The following PLEC variants were observed in gnomAD, a reference collection of about 807,000 sequenced individuals.
The protein encoded by PLEC is plectin.
A neutral mutation model predicts 392.8 loss-of-function variants in PLEC; 216 were observed. The ratio of observed to expected loss-of-function variants is 0.55; its 90% CI spans 0.49 to 0.62. The LOEUF is 0.62. Ranked by LOEUF, PLEC falls within the 20% of genes least tolerant of loss-of-function variation. PLEC has a pLI of 0.00. For missense variants in PLEC, 6,863 were observed against 6,563.4 expected (o/e 1.05, Z -1.58); for synonymous variants, 3,621 against 2,980.6 (o/e 1.21, Z -7.00).
chr8:143,941,342 C>T (rs1554728580), upstream of PLEC, among the ~76,000 whole-genome samples: 2 of 152,182 alleles, frequency 1.3e-5, no homozygotes, highest in East Asian at 1.9e-4. Context: ...CCACGTGGAG[C>T]CCACCCCAGC....
At chr8:143,953,937 C>T, upstream of PLEC, 5 of 1,400,404 alleles carry the variant, frequency 3.6e-6, no homozygotes, top group Non-Finnish European at 4.6e-6. Context: ...GACAGGGCCG[C>T]CCCGGGCGCA....
At chr8:143,935,592 G>A (rs1471834751) in intron 6 of PLEC, among the ~76,000 whole-genome samples, 3 of 152,100 alleles carry the variant, frequency 2.0e-5, no homozygotes, top group Non-Finnish European at 4.4e-5. Context: ...CTCCGGAGGC[G>A]TCCACAGAGG....
intron 1 of PLEC, among the ~76,000 whole-genome samples, chr8:143,959,787 G>A (rs548005464): frequency 6.6e-6 from 1 of 152,196 alleles, no homozygotes; most frequent in African/African-American, 2.4e-5. Context: ...ACGAGGTCAG[G>A]AGATTGAGAC....
chr8:143,935,371 C>A, intron 6 of PLEC, 58 bp from the exon 7 acceptor site: 1 of 1,195,836 alleles, frequency 8.4e-7, no homozygotes, highest in Non-Finnish European at 1.2e-6. Flanking sequence ...CCACACCACA[C>A]AGGCGGGTGC....
In PLEC at chr8:143,924,232, G is replaced by A. The variant is rs782061690; in HGVS notation, c.5697C>T (p.Arg1899=). 6.3e-7 allele frequency: 1 copy of A among 1,598,444 alleles called. No homozygotes were observed. The highest frequency in any genetic ancestry group is 1.7e-5 in the Admixed American group (1 of 59,954). The change falls in exon 31 of 32, where the codon CGC becomes CGT. Residue 1899 remains arginine (R), a synonymous_variant. Transcript: ENST00000345136. Reference sequence around the variant, plus strand: ...GCTCCAGCTCGCTGTCCGATGCCTTGCGCAGCTGGGCCAGGCGCTCCTCGA... The same window carrying A: ...GCTCCAGCTCGCTGTCCGATGCCTTACGCAGCTGGGCCAGGCGCTCCTCGA... ...ADIEERLAQL[R]KASDSELERQ... is the part of the protein sequence containing the mutation.
rs147838690 is a variant in PLEC, at chr8:143,924,452, C to T, written c.5477G>A (p.Arg1826Gln). 0.011 allele frequency: 17,749 copies of T among 1,553,096 alleles called. 174 individuals carry two copies. Among genetic ancestry groups the T allele is most frequent in the Non-Finnish European group, 0.012 (14,097 of 1,159,096 alleles). The change falls in exon 31 of 32, where the codon CGG becomes CAG. Residue 1826 changes from arginine (R) to glutamine (Q), a missense_variant. Transcript: ENST00000345136. ...CACCCGCTCCGCCTCGGCCCGCTGC[C>T]GCGCCGCGTCTTCCTCGGCCAGCTG... ...QRQLAEEDAARQRAEAERVLA... is the reference protein window; with the variant it reads ...QRQLAEEDAAQQRAEAERVLA...
In PLEC at chr8:143,973,256, G is replaced by A; in HGVS notation, c.70+147C>T. 1.0e-6 allele frequency: 1 copy of A among 989,786 alleles called. No homozygotes were observed. Among genetic ancestry groups the A allele is most frequent in the East Asian group, 3.4e-5 (1 of 29,410 alleles). The allele number at this position is 989,786 out of a possible 1,614,324, so 61.3% of individuals were successfully genotyped here. A position where few individuals can be genotyped will look rare whatever the true frequency, so the allele number is the denominator to read the frequency against. On this transcript the variant is annotated intron_variant, in intron 1 of 31. Transcript: ENST00000356346. This position sits in a 1 kb window ranked among gnomAD's most constrained non-coding sequence, Gnocchi z 5.6. ...GAGTCCTCCCCTTCCCTAGGCACTG[G>A]CAGCCGTTGGGGGCGATCCAGGCGG...
chr8:143,952,593 C>T (rs1160873412), upstream of PLEC, among the ~76,000 whole-genome samples: 1 of 152,044 alleles, frequency 6.6e-6, no homozygotes, highest in Admixed American at 6.6e-5. Flanking sequence ...CCCGGCAGGC[C>T]GACCGCATCT....
At chr8:143,950,644 G>A (rs782272196) in exon 1 of PLEC, 41 of 1,591,828 alleles carry the variant, frequency 2.6e-5, no homozygotes, top group East Asian at 9.1e-5. Flanking sequence ...TCACGCCCTC[G>A]CGGAAGAGCA....
rs367851580 is a variant in PLEC at position 143,930,272 on chromosome 8, G to C, written c.2484C>G (p.Cys828Trp). 1.2e-6 allele frequency: 2 copies of C among 1,602,934 alleles called. No homozygotes were observed. Among genetic ancestry groups the C allele is most frequent in the Admixed American group, 3.4e-5 (2 of 59,654 alleles). ...VEVTVHKGDECQLVGPAQPSH... is the reference protein window; with the variant it reads ...VEVTVHKGDEWQLVGPAQPSH... Reference sequence around the variant, plus strand: ...ACGGCTGTGCAGGGCCCACCAGCTGGCACTCGTCACCCTTGTGCACAGTCA... The same window carrying C: ...ACGGCTGTGCAGGGCCCACCAGCTGCCACTCGTCACCCTTGTGCACAGTCA... Residue 828 changes from cysteine (C) to tryptophan (W), a missense_variant, in exon 21 of 32, where the codon TGC becomes TGG. Physicochemically the swap from Cys to Trp is radical, Grantham distance 215. Transcript: ENST00000345136.
chr8:143,953,609 C>G, upstream of PLEC: 1 of 1,132,588 alleles, frequency 8.8e-7, no homozygotes, highest in Non-Finnish European at 1.3e-6. Flanking sequence ...GCTCAGCGAC[C>G]CACAGTGTCA....
chr8:143,930,335 C>A, intron 20 of PLEC, 37 bp from the exon 21 acceptor site: 2 of 1,588,246 alleles, frequency 1.3e-6, no homozygotes, highest in East Asian at 2.3e-5. Context: ...ATGGCCACAC[C>A]CTGCCCTGCC....
In PLEC at chr8:143,929,168, C is replaced by G. The variant is rs781817188; in HGVS notation, c.3195G>C (p.Ser1065=). 1 of 1,594,840 alleles carries G rather than the reference C, an allele frequency of 6.3e-7. No individual in the cohort carries two copies. Among genetic ancestry groups the G allele is most frequent in the Non-Finnish European group, 8.5e-7 (1 of 1,172,720 alleles). The change falls in exon 25 of 32, where the codon TCG becomes TCC. Residue 1065 remains serine (S), a synonymous_variant. Transcript: ENST00000345136. ...GCTTGCCCAGCGTCAGCTCCAGCTCCGAGCGCAGCGTGGGGGCCGCAGGCG... is the reference window on the plus strand; with the variant it reads ...GCTTGCCCAGCGTCAGCTCCAGCTCGGAGCGCAGCGTGGGGGCCGCAGGCG... ...EPSPAAPTLR[S]ELELTLGKLE... is the part of the protein sequence containing the mutation.
At chr8:143,952,220 A>ACG (rs1554737431), upstream of PLEC, among the ~76,000 whole-genome samples, 905 of 139,884 alleles carry the variant, frequency 6.5e-3, 8 homozygotes, top group African/African-American at 0.025. Context: ...GCGCGCACAC[A>ACG]CGCACGCGCA....
At chr8:143,943,751 G>T, upstream of PLEC, 1 of 1,604,582 alleles carries the variant, frequency 6.2e-7, no homozygotes, top group South Asian at 1.1e-5. Flanking sequence ...CCCGCCTCGA[G>T]TCCCTGGCAG....
upstream of PLEC, chr8:143,939,696 CCCGGCGGGAAGGAGCAAGCAG>C (rs1830067615): frequency 7.4e-7 from 1 of 1,354,590 alleles, no homozygotes; most frequent in African/African-American, 1.5e-5. Context: ...AGGGGAGTGT[CCCGGCGGGAAGGAGCAAGCAG>C]CCCCCTCCCC....
chr8:143,970,958 G>A (rs1210228557), intron 1 of PLEC, among the ~76,000 whole-genome samples: 1 of 152,236 alleles, frequency 6.6e-6, no homozygotes, highest in African/African-American at 2.4e-5. Context: ...ACAGGCTGCA[G>A]TAGCCTCAGC....
rs782412400 is a variant in PLEC, at chr8:143,919,020, G to C, written c.10801C>G (p.Arg3601Gly). 3 of 1,611,040 alleles carry C rather than the reference G, an allele frequency of 1.9e-6. No homozygotes were observed. Among genetic ancestry groups the C allele is most frequent in the Non-Finnish European group, 1.7e-6 (2 of 1,180,020 alleles). The stretch of plus-strand genomic sequence containing the variant: ...TGGAAGTCAGCCATCAGCTGGGCCC[G>C]CTGCTCCTCGGGGATCAGGTCCGAC... Reference protein sequence around the residue: ...MQSDLIPEEQRAQLMADFQAG... With the variant: ...MQSDLIPEEQGAQLMADFQAG... The change falls in exon 32 of 32, where the codon CGG (arginine) becomes GGG (glycine). Residue 3601 changes from arginine (R) to glycine (G), a missense_variant. Coordinates refer to ENST00000345136, the MANE Select transcript of PLEC (RefSeq NM_201384.3).
Position 143,970,808 on chromosome 8 carries a change from C to A in PLEC, c.70+2595G>T, listed in dbSNP as rs566993055. Among the ~76,000 whole-genome samples the A allele has an allele frequency of 2.6e-4, 40 of 152,362 alleles. 1 individual carries two copies. In the East Asian group the frequency reaches 7.3e-3, roughly 28 times the overall value. On this transcript the variant is annotated intron_variant, in intron 1 of 31. Coordinates refer to the PLEC transcript ENST00000356346. ...CCCATGGTGCGGCAGAACGGCCCAG[C>A]CTCTATGAGCTGTCACAGGCCAGGC...
Sources: gnomAD v4.1 joint callset for allele counts (sites outside exome capture counted in the v4.1 genomes callset) on GRCh38, gnomAD v4.1.1 for gene constraint, Gnocchi (gnomAD v3.1) non-coding constraint, MANE v1.5 for transcripts, NCBI Gene and HGNC (gene_info 2026-07-23, HGNC 2026-07-21) for gene names.